Variants in SLC30A5 observed in about 807,000 individuals in gnomAD.
The protein encoded by SLC30A5 is solute carrier family 30 member 5, also known as proton-coupled zinc antiporter SLC30A5.
In SLC30A5, 33 loss-of-function variants were observed where a neutral mutation model predicts 79.6. That is an observed-to-expected ratio of 0.41 (90% CI 0.31 to 0.55). The LOEUF (loss-of-function observed/expected upper bound fraction) is 0.55, where lower values mean the gene tolerates loss of function less well. Ranked by LOEUF, SLC30A5 falls within the 20% of genes least tolerant of loss-of-function variation. The pLI is 0.20. For synonymous variants in SLC30A5, 299 were observed against 319.7 expected, an observed-to-expected ratio of 0.94 and a Z score of 0.69; for missense variants, 788 against 928.1, an observed-to-expected ratio of 0.85 and a Z score of 1.96.
chr5:69,113,290 ATGG>A, intron 6 of SLC30A5, 63 bp downstream of exon 6: 1 of 1,244,160 alleles, frequency 8.0e-7, no homozygotes, highest in Non-Finnish European at 1.2e-6. Flanking sequence ...GCCTGGAACA[ATGG>A]AAAAAGAAAG....
chr5:69,128,259 T>TC, intron 15 of SLC30A5, 127 bp downstream of exon 15: 1 of 753,580 alleles, frequency 1.3e-6, no homozygotes, highest in South Asian at 1.9e-5. Flanking sequence ...TCTTTTTTTT[T>TC]TTTTTTTTTT....
chr5:69,127,213 C>T lies in SLC30A5; in HGVS notation c.1999-791C>T, dbSNP rs780903595. Among the ~76,000 whole-genome samples the T allele has an allele frequency of 2.0e-5, 3 of 152,032 alleles. No individual in the cohort carries two copies. The East Asian group carries it at 5.8e-4, about 29-fold the overall frequency. ...CAAATAATGTGCATATGAATGTGTC[C>T]GTGTAAAGGAGAACTTGTAGTTCAT... On this transcript the variant is annotated intron_variant, in intron 14 of 15. Coordinates refer to ENST00000396591, the MANE Select transcript of SLC30A5 (RefSeq NM_022902.5).
In SLC30A5 at chr5:69,099,365, A is replaced by C. The variant is rs1745840260; in HGVS notation, c.84-1442A>C. On this transcript the variant is annotated intron_variant, in intron 1 of 15. Coordinates refer to ENST00000396591, the MANE Select transcript of SLC30A5 (RefSeq NM_022902.5). Reference sequence around the variant, plus strand: ...GGACTATTTGAGAATAAGTTACATAATTCATGCTTCTTTATCCTTAAATCC... The same window carrying C: ...GGACTATTTGAGAATAAGTTACATACTTCATGCTTCTTTATCCTTAAATCC... 5.3e-5 allele frequency among the ~76,000 whole-genome samples: 8 copies of C among 152,230 alleles called. No homozygotes were observed. The South Asian group carries it at 1.7e-3, about 31-fold the overall frequency.
intron 1 of SLC30A5, among the ~76,000 whole-genome samples, chr5:69,096,199 T>C (rs1267417933): frequency 6.6e-6 from 1 of 152,186 alleles, no homozygotes; most frequent in Non-Finnish European, 1.5e-5. Flanking sequence ...TACTCTCAAA[T>C]AGTCCAGGGG....
At chr5:69,118,956 A>T (rs1413198372) in intron 12 of SLC30A5, among the ~76,000 whole-genome samples, 3 of 150,978 alleles carry the variant, frequency 2.0e-5, no homozygotes, top group Non-Finnish European at 3.0e-5. Context: ...ATGTGCCACC[A>T]CCCCCTGCTA....
Position 69,130,459 on chromosome 5 carries a change from T to C in SLC30A5, c.*842T>C, listed in dbSNP as rs1246652946. 1.3e-5 allele frequency: 2 copies of C among 152,170 alleles called. No individual in the cohort carries two copies. Among genetic ancestry groups the C allele is most frequent in the Non-Finnish European group, 2.9e-5 (2 of 68,012 alleles). The allele number at this position is 152,170 out of a possible 1,614,324, so 9.4% of individuals were successfully genotyped here. On this transcript the variant is annotated 3_prime_UTR_variant, in exon 16 of 16. Transcript: ENST00000396591. ...TTCATCCTTTCTTAGCTCCATAACG[T>C]TGTGAAACAGCCAGTTAAGAGAATC...
At chr5:69,119,040 A>G (rs147736561) in intron 12 of SLC30A5, among the ~76,000 whole-genome samples, 40 of 152,074 alleles carry the variant, frequency 2.6e-4, no homozygotes, top group African/African-American at 8.9e-4. Context: ...ACCTCAAGCA[A>G]TCCTCCCACC....
chr5:69,119,155 T>C (rs1036834968), intron 12 of SLC30A5, among the ~76,000 whole-genome samples: 2 of 152,176 alleles, frequency 1.3e-5, no homozygotes, highest in African/African-American at 4.8e-5. Flanking sequence ...ACATGTGCTG[T>C]TTCTTGTAGT....
intron 8 of SLC30A5, 66 bp from the exon 9 acceptor site, chr5:69,115,860 A>G: frequency 7.7e-7 from 1 of 1,297,418 alleles, no homozygotes; most frequent in Non-Finnish European, 1.1e-6. Flanking sequence ...AGATTAACAG[A>G]AACATCTTGT....
chr5:69,114,799 A>T (rs1354471549), intron 7 of SLC30A5, among the ~76,000 whole-genome samples: 1 of 152,130 alleles, frequency 6.6e-6, no homozygotes, highest in Non-Finnish European at 1.5e-5. Context: ...CGGGAGGCCG[A>T]GGTTGCAGTG....
At chr5:69,127,523 G>A (rs541740519) in intron 14 of SLC30A5, among the ~76,000 whole-genome samples, 34 of 151,186 alleles carry the variant, frequency 2.2e-4, no homozygotes, top group Admixed American at 2.0e-3. Context: ...GCGTGCACCC[G>A]TAGTCAGCTA....
chr5:69,110,858 C>A (rs528984114), intron 5 of SLC30A5, among the ~76,000 whole-genome samples: 1 of 151,988 alleles, frequency 6.6e-6, no homozygotes, highest in Non-Finnish European at 1.5e-5. Flanking sequence ...CTGGGAATGA[C>A]AACTCACAAA....
chr5:69,094,240 G>A lies in SLC30A5; in HGVS notation c.-16G>A. 2 of 1,208,526 alleles carry A rather than the reference G, an allele frequency of 1.7e-6. No individual in the cohort carries two copies. 74.9% of individuals were successfully genotyped at this position (1,208,526 alleles called of 1,614,324 possible). On this transcript the variant is annotated 5_prime_UTR_variant, in exon 1 of 16. Coordinates refer to ENST00000396591, the MANE Select transcript of SLC30A5 (RefSeq NM_022902.5). ...CCCCGCGACAGGGGCAGCGGCGGCG[G>A]CTCGTGAGCCCCGGGATGGAGGAGA...
chr5:69,125,441 G>T (rs371754666), intron 14 of SLC30A5, among the ~76,000 whole-genome samples: 1 of 151,776 alleles, frequency 6.6e-6, no homozygotes, highest in Non-Finnish European at 1.5e-5. Flanking sequence ...CAGTAGAATC[G>T]CTTGAACCCA....
chr5:69,119,742 G>A (rs990577187), intron 12 of SLC30A5, among the ~76,000 whole-genome samples: 5 of 151,966 alleles, frequency 3.3e-5, no homozygotes, highest in Non-Finnish European at 7.4e-5. Flanking sequence ...GACTCTGGCC[G>A]GGTGCAGTGG....
At chr5:69,127,515 G>C (rs113275443) in intron 14 of SLC30A5, among the ~76,000 whole-genome samples, 1 of 151,500 alleles carries the variant, frequency 6.6e-6, no homozygotes, top group South Asian at 2.1e-4. Context: ...GCGTGGTGGC[G>C]TGCACCCGTA....
chr5:69,128,515 G>A (rs1222030764), intron 15 of SLC30A5, among the ~76,000 whole-genome samples: 1 of 151,908 alleles, frequency 6.6e-6, no homozygotes, highest in African/African-American at 2.4e-5. Flanking sequence ...CGCCTGCCTC[G>A]ACCTCCCAAA....
At chr5:69,099,134 G>T (rs992984096) in intron 1 of SLC30A5, among the ~76,000 whole-genome samples, 4 of 152,064 alleles carry the variant, frequency 2.6e-5, no homozygotes, top group African/African-American at 9.7e-5. Context: ...AAATAGCAAA[G>T]GATTGTTTAC....
At chr5:69,100,282 G>T (rs1745872486) in intron 1 of SLC30A5, among the ~76,000 whole-genome samples, 1 of 152,054 alleles carries the variant, frequency 6.6e-6, no homozygotes, top group African/African-American at 2.4e-5. Context: ...TTGAGACAGG[G>T]TCTCACTCTG....
Sources: allele counts gnomAD v4.1 joint callset (sites outside exome capture counted in the v4.1 genomes callset), GRCh38; gene constraint gnomAD v4.1.1; transcripts MANE v1.5; gene names NCBI Gene and HGNC (gene_info 2026-07-23, HGNC 2026-07-21).